The following MERTK variants were observed in gnomAD, a reference collection of about 807,000 sequenced individuals.
MERTK encodes MER proto-oncogene, tyrosine kinase.
MERTK carries 69 observed loss-of-function variants against 99.3 expected under a neutral mutation model. The observed-to-expected ratio is 0.70, with a 90% confidence interval of 0.57 to 0.85. MERTK has a LOEUF of 0.85. Among genes scored for constraint, MERTK ranks in the 40% least tolerant of loss-of-function variants. MERTK has a pLI of 0.00. For synonymous variants in MERTK, 426 were observed against 467.6 expected (o/e 0.91, Z 1.15); for missense variants, 1,125 against 1,249.4 (o/e 0.90, Z 1.50).
intron 15 of MERTK, among the ~76,000 whole-genome samples, chr2:112,014,805 T>A (rs1410272377): frequency 6.6e-6 from 1 of 151,664 alleles, no homozygotes; most frequent in Non-Finnish European, 1.5e-5. Flanking sequence ...CTGGCTAATT[T>A]TTTTTGTATT....
Position 111,929,325 on chromosome 2 carries a change from G to T in MERTK, c.267G>T (p.Lys89Asn). Residue 89 changes from lysine (K) to asparagine (N), a missense_variant, in exon 2 of 19, where the codon AAG becomes AAT. Transcript: ENST00000295408. Reference protein sequence around the residue: ...AIPQVTSVESKPLPPLAFKHT... With the variant: ...AIPQVTSVESNPLPPLAFKHT... Reference sequence around the variant, plus strand: ...CCCAGGTGACCTCTGTCGAATCAAAGCCCCTACCGCCTCTTGCCTTCAAAC... The same window carrying T: ...CCCAGGTGACCTCTGTCGAATCAAATCCCCTACCGCCTCTTGCCTTCAAAC... The T allele has an allele frequency of 1.9e-6, 3 of 1,614,136 alleles. No individual in the cohort carries two copies. Among genetic ancestry groups the T allele is most frequent in the Non-Finnish European group, 2.5e-6 (3 of 1,180,024 alleles).
At chr2:111,968,013 T>C (rs1573607585) in intron 5 of MERTK, 124 bp from the exon 6 acceptor site, 1 of 743,560 alleles carries the variant, frequency 1.3e-6, no homozygotes, top group Non-Finnish European at 2.4e-6. Flanking sequence ...CTTGAAAACA[T>C]GTTTCCCTTT....
At chr2:111,914,888 C>T (rs1684322001) in intron 1 of MERTK, among the ~76,000 whole-genome samples, 1 of 152,022 alleles carries the variant, frequency 6.6e-6, no homozygotes. Flanking sequence ...GGTATCAGAG[C>T]AATACTAGCT....
intron 1 of MERTK, among the ~76,000 whole-genome samples, chr2:111,928,815 C>G (rs1684615243): frequency 6.6e-6 from 1 of 152,160 alleles, no homozygotes; most frequent in Non-Finnish European, 1.5e-5. Context: ...CCTGCTGTGT[C>G]ATCACCTTCT....
At chr2:111,972,386 G>T (rs538744712) in intron 6 of MERTK, among the ~76,000 whole-genome samples, 1 of 152,340 alleles carries the variant, frequency 6.6e-6, no homozygotes, top group African/African-American at 2.4e-5. Flanking sequence ...CTCTCAGGAA[G>T]AGTACCACCC....
chr2:111,902,505 C>T (rs984815859), intron 1 of MERTK, among the ~76,000 whole-genome samples: 12 of 152,158 alleles, frequency 7.9e-5, no homozygotes, highest in African/African-American at 2.9e-4. Flanking sequence ...TTTCCATTCA[C>T]TTCCCTCTTG....
chr2:111,914,113 T>C (rs1198323844), intron 1 of MERTK, among the ~76,000 whole-genome samples: 2 of 137,416 alleles, frequency 1.5e-5, no homozygotes, highest in African/African-American at 2.9e-5. Context: ...TTTTTTTTTT[T>C]TTTTTTTTTT....
intron 7 of MERTK, among the ~76,000 whole-genome samples, chr2:111,978,789 G>A (rs1228251786): frequency 1.3e-5 from 2 of 152,190 alleles, no homozygotes; most frequent in Non-Finnish European, 2.9e-5. Flanking sequence ...AGTGTTGGAT[G>A]CTAGATATTC....
At chr2:112,021,144 G>A (rs1677337749) in intron 16 of MERTK, among the ~76,000 whole-genome samples, 1 of 151,930 alleles carries the variant, frequency 6.6e-6, no homozygotes, top group Non-Finnish European at 1.5e-5. Context: ...AGTTTGCTGT[G>A]AGCCGAGATC....
At position 112,003,977 on chromosome 2, in the gene MERTK, C is replaced by A; in HGVS notation, c.1860C>A (p.Thr620=). The A allele has an allele frequency of 6.2e-7, 1 of 1,612,252 alleles. No homozygotes were observed. Among genetic ancestry groups the A allele is most frequent in the Non-Finnish European group, 8.5e-7 (1 of 1,178,498 alleles). The change falls in exon 13 of 19, where the codon ACC becomes ACA. Residue 620 remains threonine, a synonymous_variant. Coordinates refer to ENST00000295408, the MANE Select transcript of MERTK (RefSeq NM_006343.3). ...DGTSLKVAVK[T]MKLDNSSQRE... ...CCTCTCTGAAAGTGGCAGTGAAGAC[C>A]ATGAAGTGTGAGTTATCAGTGATGA...
intron 10 of MERTK, among the ~76,000 whole-genome samples, chr2:111,997,872 C>G (rs1304814367): frequency 6.6e-6 from 1 of 152,188 alleles, no homozygotes; most frequent in Non-Finnish European, 1.5e-5. Flanking sequence ...GCCACCATGG[C>G]AAAATGTCAT....
chr2:111,937,894 C>T (rs1684791741), intron 2 of MERTK, among the ~76,000 whole-genome samples: 1 of 151,950 alleles, frequency 6.6e-6, no homozygotes, highest in Non-Finnish European at 1.5e-5. Context: ...TTATTTTTTT[C>T]ATTTTTAATT....
intron 4 of MERTK, among the ~76,000 whole-genome samples, chr2:111,964,451 T>C (rs1468329046): frequency 6.6e-6 from 1 of 152,150 alleles, no homozygotes; most frequent in East Asian, 1.9e-4. Context: ...GTGTTTGTTT[T>C]ATATTTTACT....
In MERTK at chr2:111,989,747, G is replaced by A. The variant is rs1341841309; in HGVS notation, c.1297-4504G>A. Among the ~76,000 whole-genome samples the A allele has an allele frequency of 6.6e-5, 10 of 152,276 alleles. No individual in the cohort carries two copies. In the East Asian group the frequency reaches 1.9e-3, roughly 29 times the overall value. On this transcript the variant is annotated intron_variant, in intron 8 of 18. Coordinates refer to ENST00000295408, the MANE Select transcript of MERTK (RefSeq NM_006343.3). ...CGCAGTTGCCCTGCCTAACTCTAAT[G>A]CCACACATAGGATAAAAAACAAATT... is the stretch of plus-strand genomic sequence containing the variant.
chr2:111,919,597 G>A (rs1218424632), intron 1 of MERTK, among the ~76,000 whole-genome samples: 1 of 151,866 alleles, frequency 6.6e-6, no homozygotes, highest in African/African-American at 2.4e-5. Context: ...CAGTCTGTTT[G>A]GGAAGCTTCT....
At chr2:111,990,790 C>CATTTCAG (rs1289628033) in intron 8 of MERTK, among the ~76,000 whole-genome samples, 3 of 152,200 alleles carry the variant, frequency 2.0e-5, no homozygotes, top group Non-Finnish European at 2.9e-5. Context: ...GATTTTGGAA[C>CATTTCAG]ATTTCAGATT....
intron 4 of MERTK, among the ~76,000 whole-genome samples, chr2:111,949,442 G>C (rs1328006380): frequency 6.6e-6 from 1 of 152,108 alleles, no homozygotes; most frequent in African/African-American, 2.4e-5. Context: ...GTGACTTCAG[G>C]AGGAATGTTA....
intron 1 of MERTK, among the ~76,000 whole-genome samples, chr2:111,925,620 A>C (rs189313249): frequency 6.7e-6 from 1 of 150,136 alleles, no homozygotes; most frequent in Non-Finnish European, 1.5e-5. Flanking sequence ...CTTTTAAACC[A>C]TCTAGAGTGT....
At chr2:111,939,195 G>C (rs913745989) in intron 2 of MERTK, among the ~76,000 whole-genome samples, 1 of 152,102 alleles carries the variant, frequency 6.6e-6, no homozygotes, top group South Asian at 2.1e-4. Context: ...ACTCTGCGGG[G>C]TCCTAAGGCA....
Sources: allele counts gnomAD v4.1 joint callset (sites outside exome capture counted in the v4.1 genomes callset), GRCh38; gene constraint gnomAD v4.1.1; transcripts MANE v1.5; gene names NCBI Gene and HGNC (gene_info 2026-07-23, HGNC 2026-07-21).